CADM2: variants seen among roughly 807,000 people sequenced by gnomAD.
The protein encoded by CADM2 is immunoglobulin superfamily member 4D.
Under a neutral mutation model 49.8 loss-of-function variants are expected in CADM2, and 12 were observed. The ratio of observed to expected loss-of-function variants is 0.24; its 90% confidence interval spans 0.15 to 0.39. CADM2 has a LOEUF of 0.39. Among genes scored for constraint, CADM2 ranks in the 10% least tolerant of loss-of-function variants. CADM2 has a pLI of 1.00. For synonymous variants in CADM2, 214 were observed against 175.4 expected (o/e 1.22, Z -1.74); for missense variants, 378 against 492.3 (o/e 0.77, Z 2.20).
At chr3:85,714,796 A>T (rs900326205) in intron 1 of CADM2, among the ~76,000 whole-genome samples, 4 of 152,004 alleles carry the variant, frequency 2.6e-5, no homozygotes, top group Non-Finnish European at 5.9e-5. Flanking sequence ...CCCCTCGTTA[A>T]GATGATGCTA....
At chr3:85,378,114 T>G (rs2033698375) in intron 1 of CADM2, among the ~76,000 whole-genome samples, 1 of 152,020 alleles carries the variant, frequency 6.6e-6, no homozygotes, top group African/African-American at 2.4e-5. Flanking sequence ...CTTTAAAATT[T>G]AAATTGGAAA....
intron 8 of CADM2, among the ~76,000 whole-genome samples, chr3:86,054,609 A>G (rs1321360267): frequency 6.6e-6 from 1 of 152,086 alleles, no homozygotes; most frequent in Non-Finnish European, 1.5e-5. Flanking sequence ...TCTCATTGGC[A>G]AATATTTATT....
chr3:85,289,945 G>A lies in CADM2; in HGVS notation c.61+330277G>A, dbSNP rs541442087. 5.3e-5 allele frequency among the ~76,000 whole-genome samples: 8 copies of A among 152,288 alleles called. No individual in the cohort carries two copies. The South Asian group carries it at 1.7e-3, about 32-fold the overall frequency. On this transcript the variant is annotated intron_variant, in intron 1 of 9. Coordinates refer to ENST00000383699, the MANE Select transcript of CADM2 (RefSeq NM_001167675.2). ...AAGTAGTAAATGGAGGAGCCAAGATGGCTGAATAGGAACAGCTCCAGTCTA... is the reference window on the plus strand; with the variant it reads ...AAGTAGTAAATGGAGGAGCCAAGATAGCTGAATAGGAACAGCTCCAGTCTA...
At chr3:85,005,589 G>A (rs538244106) in intron 1 of CADM2, among the ~76,000 whole-genome samples, 35 of 152,136 alleles carry the variant, frequency 2.3e-4, no homozygotes, top group African/African-American at 7.9e-4. Context: ...AGTATTTTGT[G>A]CATTCATAAT....
chr3:85,763,271 T>C (rs2069485770), intron 2 of CADM2, among the ~76,000 whole-genome samples: 2 of 152,172 alleles, frequency 1.3e-5, no homozygotes, highest in South Asian at 4.1e-4. Context: ...GATTATTTGG[T>C]ATCCCATGCT....
At chr3:85,071,039 T>TAAAA (rs1258371437) in intron 1 of CADM2, among the ~76,000 whole-genome samples, 3 of 151,116 alleles carry the variant, frequency 2.0e-5, no homozygotes, top group Admixed American at 6.6e-5. Context: ...AATAAATAAA[T>TAAAA]AAAATACTTA....
Position 85,113,627 on chromosome 3 carries a change from C to A in CADM2, c.61+153959C>A, listed in dbSNP as rs1209106528. On this transcript the variant is annotated intron_variant, in intron 1 of 9. Coordinates refer to ENST00000383699, the MANE Select transcript of CADM2 (RefSeq NM_001167675.2). Reference sequence around the variant, plus strand: ...GTACTGAAATATTTTACATTATATACTTCTAAATGTAATTAAAGCAATTTT... The same window carrying A: ...GTACTGAAATATTTTACATTATATAATTCTAAATGTAATTAAAGCAATTTT... 2.0e-5 allele frequency among the ~76,000 whole-genome samples: 3 copies of A among 150,968 alleles called. No individual in the cohort carries two copies. In the East Asian group the frequency reaches 5.8e-4, roughly 29 times the overall value.
At chr3:85,590,920 G>T (rs1304617293) in intron 1 of CADM2, among the ~76,000 whole-genome samples, 1 of 113,250 alleles carries the variant, frequency 8.8e-6, no homozygotes, top group Non-Finnish European at 1.9e-5. Context: ...TATTTATTTG[G>T]AAACTCATTT....
chr3:85,333,565 A>T (rs1576365852), intron 1 of CADM2, among the ~76,000 whole-genome samples: 1 of 151,770 alleles, frequency 6.6e-6, no homozygotes, highest in South Asian at 2.1e-4. Flanking sequence ...TTAAATGAAG[A>T]CCAGGTGAAA....
chr3:85,173,824 G>A (rs187759684), intron 1 of CADM2, among the ~76,000 whole-genome samples: 12 of 152,218 alleles, frequency 7.9e-5, no homozygotes, highest in Admixed American at 6.5e-4. Flanking sequence ...CCATACCTAC[G>A]TGTCTTAGTT....
At chr3:85,926,263 G>T (rs918872754) in intron 6 of CADM2, among the ~76,000 whole-genome samples, 1 of 151,882 alleles carries the variant, frequency 6.6e-6, no homozygotes. Context: ...TTGTTTTTTT[G>T]GGGGCTGGTG....
chr3:85,259,146 G>T (rs1045071141), intron 1 of CADM2, among the ~76,000 whole-genome samples: 2 of 152,122 alleles, frequency 1.3e-5, no homozygotes, highest in East Asian at 3.9e-4. Flanking sequence ...AAGTGCAGTT[G>T]TCTTTGCTTA....
At chr3:85,489,696 CA>C (rs34418561) in intron 1 of CADM2, among the ~76,000 whole-genome samples, 24,612 of 134,800 alleles carry the variant, frequency 0.18, 2,583 homozygotes, top group Non-Finnish European at 0.24. Flanking sequence ...AAAAAAAAAA[CA>C]AAAAAAAGAA....
intron 1 of CADM2, among the ~76,000 whole-genome samples, chr3:85,244,284 A>T (rs1361876499): frequency 6.6e-6 from 1 of 151,630 alleles, no homozygotes; most frequent in Non-Finnish European, 1.5e-5. Context: ...ACTGAAGGAT[A>T]ATGTCTCTCT....
chr3:85,672,677 T>G (rs1176968177), intron 1 of CADM2, among the ~76,000 whole-genome samples: 1 of 152,196 alleles, frequency 6.6e-6, no homozygotes, highest in Non-Finnish European at 1.5e-5. Flanking sequence ...ACATTCAGTT[T>G]GCCACCATTC....
chr3:85,555,795 C>A (rs1447316123), intron 1 of CADM2, among the ~76,000 whole-genome samples: 3 of 151,816 alleles, frequency 2.0e-5, no homozygotes, highest in African/African-American at 7.3e-5. Context: ...TCAATTAATT[C>A]TTTGTTAATA....
At chr3:85,669,305 G>A (rs780921881) in intron 1 of CADM2, among the ~76,000 whole-genome samples, 7 of 152,048 alleles carry the variant, frequency 4.6e-5, no homozygotes, top group Non-Finnish European at 1.0e-4. Context: ...ACAATTATCT[G>A]TGACATCATA....
chr3:85,746,648 T>C (rs571923922), intron 2 of CADM2, among the ~76,000 whole-genome samples: 4 of 152,180 alleles, frequency 2.6e-5, no homozygotes, highest in African/African-American at 9.6e-5. Context: ...ACACTTAATG[T>C]CTCATGTCTG....
At chr3:85,370,930 G>A (rs1284447233) in intron 1 of CADM2, among the ~76,000 whole-genome samples, 1 of 152,022 alleles carries the variant, frequency 6.6e-6, no homozygotes, top group Non-Finnish European at 1.5e-5. Flanking sequence ...TAACAAAAGA[G>A]TTTAAAAAAT....
Sources: gnomAD v4.1 joint callset for allele counts (sites outside exome capture counted in the v4.1 genomes callset) on GRCh38, gnomAD v4.1.1 for gene constraint, MANE v1.5 for transcripts, NCBI Gene and HGNC (gene_info 2026-07-23, HGNC 2026-07-21) for gene names.